LDHA: variants seen among roughly 807,000 people sequenced by gnomAD.
LDHA encodes the protein lactate dehydrogenase A, also known as L-lactate dehydrogenase A chain.
LDHA carries 10 observed loss-of-function variants against 36.3 expected under a neutral mutation model. That is an observed-to-expected ratio of 0.28 (90% CI 0.17 to 0.47). LDHA has a LOEUF of 0.47. Among genes scored for constraint, LDHA ranks in the 20% least tolerant of loss-of-function variants. The pLI is 0.99. For synonymous variants in LDHA, 110 were observed against 136.7 expected (o/e 0.80, Z 1.36); for missense variants, 267 against 405.8 (o/e 0.66, Z 2.94).
chr11:18,403,695 G>C lies in LDHA; in HGVS notation c.594G>C (p.Val198=), dbSNP rs373534867. The change falls in exon 6 of 8, where the codon GTG becomes GTC. Residue 198 remains valine (V), a splice_region_variant and synonymous_variant. Coordinates refer to ENST00000422447, the MANE Select transcript of LDHA (RefSeq NM_005566.4). Reference sequence around the variant, plus strand: ...TGTAGTCTGTACTATTTCTTTTAGTGCCTGTATGGAGTGGAATGAATGTTG... The same window carrying C: ...TGTAGTCTGTACTATTTCTTTTAGTCCCTGTATGGAGTGGAATGAATGTTG... The part of the protein sequence containing the change: ...WVLGEHGDSS[V]PVWSGMNVAG... The C allele has an allele frequency of 3.2e-5, 49 of 1,533,844 alleles. No homozygotes were observed. In the African/African-American group the frequency reaches 6.4e-4, roughly 20 times the overall value.
At chr11:18,400,050 G>T (rs1280012106) in intron 3 of LDHA, 1 of 191,984 alleles carries the variant, frequency 5.2e-6, no homozygotes. Context: ...AATCCAATTT[G>T]TCCATGCTAT....
chr11:18,401,122 TAA>T (rs1590214037), intron 4 of LDHA, 112 bp downstream of exon 4: 3 of 440,882 alleles, frequency 6.8e-6, no homozygotes, highest in South Asian at 1.2e-4. Flanking sequence ...AATACATTTT[TAA>T]AAATATTTTC....
At chr11:18,398,416 G>A (rs554474286) in intron 2 of LDHA, among the ~76,000 whole-genome samples, 35 of 151,302 alleles carry the variant, frequency 2.3e-4, no homozygotes, top group African/African-American at 6.8e-4. Flanking sequence ...TTTTTGAGAC[G>A]GAATCTCGCT....
rs766535492 is a variant in LDHA at position 18,400,782 on chromosome 11, T to G, written c.245-55T>G. 4.0e-5 allele frequency: 57 copies of G among 1,428,756 alleles called. 2 individuals carry two copies. In the South Asian group the frequency reaches 6.3e-4, roughly 16 times the overall value. The allele number at this position is 1,428,756 out of a possible 1,614,324, so 88.5% of individuals were successfully genotyped here. On this transcript the variant is annotated intron_variant, in intron 3 of 7. Transcript: ENST00000422447. ...ATTTATGGAACAAATTTTTGCTGCC[T>G]AGGTAAAATTTATTCTAAAGGCCTT...
At position 18,407,317 on chromosome 11, in the gene LDHA, T is replaced by C. The variant is rs1458525448; in HGVS notation, c.*36T>C. The C allele has an allele frequency of 3.1e-6, 5 of 1,612,236 alleles. No homozygotes were observed. In the Admixed American group the frequency reaches 6.7e-5, roughly 21 times the overall value. ...TGTCATATCATTTCACTGTCTAGGC[T>C]ACAACAGGATTCTAGGTGGAGGTTG... On this transcript the variant is annotated 3_prime_UTR_variant, in exon 8 of 8. Coordinates refer to ENST00000422447, the MANE Select transcript of LDHA (RefSeq NM_005566.4).
intron 2 of LDHA, chr11:18,398,647 C>T (rs1430673961): frequency 3.2e-5 from 4 of 125,096 alleles, no homozygotes; most frequent in Non-Finnish European, 4.9e-5. Flanking sequence ...GGAGTCTCGC[C>T]GTGTCGCCCA....
In LDHA at chr11:18,407,136, A is replaced by T. The variant is rs147520495; in HGVS notation, c.854A>T (p.Asp285Val). Residue 285 changes from aspartate to valine, a missense_variant, in exon 8 of 8, where the codon GAT becomes GTT. Coordinates refer to ENST00000422447, the MANE Select transcript of LDHA (RefSeq NM_005566.4). The stretch of plus-strand genomic sequence containing the variant: ...CTTCAGGGTCTTTACGGAATAAAGG[A>T]TGATGTCTTCCTTAGTGTTCCTTGC... ...TMIKGLYGIK[D>V]DVFLSVPCIL... 333 of 1,607,264 alleles carry T rather than the reference A, an allele frequency of 2.1e-4. No individual in the cohort carries two copies. Among genetic ancestry groups the T allele is most frequent in the Non-Finnish European group, 2.7e-4 (313 of 1,176,828 alleles).
chr11:18,402,902 A>G lies in LDHA; in HGVS notation c.481A>G (p.Ser161Gly), dbSNP rs1396237391. ...SGFPKNRVIG[S>G]GCNLDSARFR... is the part of the protein sequence containing the mutation. ...TTTTCCCAAAAACCGTGTTATTGGA[A>G]GCGGTTGCAATCTGGATTCAGCCCG... The change falls in exon 5 of 8, where the codon AGC becomes GGC. Residue 161 changes from serine to glycine, a missense_variant. Ser to Gly is a moderately conservative substitution (Grantham distance 56). Coordinates refer to ENST00000422447, the MANE Select transcript of LDHA (RefSeq NM_005566.4). 6.2e-7 allele frequency: 1 copy of G among 1,612,148 alleles called. No individual in the cohort carries two copies.
chr11:18,401,082 A>AC, intron 4 of LDHA, 72 bp downstream of exon 4: 3 of 535,922 alleles, frequency 5.6e-6, no homozygotes, highest in Non-Finnish European at 8.3e-6. Context: ...TATATTATAT[A>AC]TATTTTAAAT....
intron 2 of LDHA, 120 bp from the exon 3 acceptor site, chr11:18,399,311 G>T (rs1832001952): frequency 1.3e-6 from 1 of 748,448 alleles, no homozygotes; most frequent in Admixed American, 2.0e-5. Context: ...TGAATATCTC[G>T]ATACTGTACT....
intron 3 of LDHA, chr11:18,400,006 A>G (rs113731380): frequency 1.5e-3 from 283 of 192,186 alleles, no homozygotes; most frequent in Admixed American, 2.6e-3. Flanking sequence ...GTGAATATCA[A>G]AGTTTCAATT....
intron 5 of LDHA, 50 bp from the exon 6 acceptor site, chr11:18,403,644 C>T (rs1361649616): frequency 2.3e-5 from 26 of 1,124,116 alleles, no homozygotes; most frequent in Non-Finnish European, 3.3e-5. Flanking sequence ...ATCACAATTA[C>T]TAATCTGTTG....
chr11:18,396,935 T>C lies in LDHA; in HGVS notation c.93T>C (p.Val31=). The part of the protein sequence containing the change: ...NKITVVGVGA[V]GMACAISILM... Reference sequence around the variant, plus strand: ...TTACAGTTGTTGGGGTTGGTGCTGTTGGCATGGCCTGTGCCATCAGTATCT... The same window carrying C: ...TTACAGTTGTTGGGGTTGGTGCTGTCGGCATGGCCTGTGCCATCAGTATCT... Residue 31 remains valine (V), a synonymous_variant, in exon 2 of 8, where the codon GTT becomes GTC. Transcript: ENST00000422447. The C allele has an allele frequency of 6.2e-7, 1 of 1,614,184 alleles. No individual in the cohort carries two copies. Among genetic ancestry groups the C allele is most frequent in the Middle Eastern group, 1.6e-4 (1 of 6,062 alleles).
At position 18,399,540 on chromosome 11, in the gene LDHA, C is replaced by G; in HGVS notation, c.236C>G (p.Ser79Cys). The change falls in exon 3 of 8, where the codon TCT becomes TGT. Residue 79 changes from serine (S) to cysteine (C), a missense_variant. By Grantham distance (112) the Ser-to-Cys change is moderately radical. Coordinates refer to ENST00000422447, the MANE Select transcript of LDHA (RefSeq NM_005566.4). The stretch of plus-strand genomic sequence containing the variant: ...TTCCTTAGAACACCAAAGATTGTCT[C>G]TGGCAAAGGTTGATTTCAACAAGTT... ...SLFLRTPKIV[S>C]GKDYNVTANS... is the part of the protein sequence containing the mutation. The G allele has an allele frequency of 6.3e-7, 1 of 1,592,188 alleles. No individual in the cohort carries two copies. The highest frequency in any genetic ancestry group is 8.6e-7 in the Non-Finnish European group (1 of 1,160,064).
intron 2 of LDHA, among the ~76,000 whole-genome samples, chr11:18,398,336 A>G (rs939663748): frequency 2.0e-5 from 3 of 152,218 alleles, no homozygotes; most frequent in Non-Finnish European, 2.9e-5. Context: ...GGAATCAACC[A>G]GGGAATAGTT....
At position 18,396,889 on chromosome 11, in the gene LDHA, A is replaced by G. The variant is rs1264619847; in HGVS notation, c.47A>G (p.Glu16Gly). The part of the protein sequence containing the change: ...DQLIYNLLKE[E>G]QTPQNKITVV... ...CTGATTTATAATCTTCTAAAGGAAG[A>G]ACAGACCCCCCAGAATAAGATTACA... Residue 16 changes from glutamate (E) to glycine (G), a missense_variant, in exon 2 of 8, where the codon GAA (glutamate) becomes GGA (glycine). Physicochemically the swap from Glu to Gly is moderately conservative, Grantham distance 98. Transcript: ENST00000422447. 9 of 1,613,732 alleles carry G rather than the reference A, an allele frequency of 5.6e-6. No homozygotes were observed. Among genetic ancestry groups the G allele is most frequent in the Non-Finnish European group, 7.6e-6 (9 of 1,179,778 alleles).
intron 1 of LDHA, chr11:18,396,616 G>A: frequency 1.4e-6 from 2 of 1,405,396 alleles, no homozygotes; most frequent in Non-Finnish European, 1.8e-6. Flanking sequence ...CTAAGGTATG[G>A]GCCTTCACTC....
At position 18,403,773 on chromosome 11, in the gene LDHA, G is replaced by A. The variant is rs199918200; in HGVS notation, c.672G>A (p.Lys224=). ...LHPDLGTDKD[K]EQWKEVHKQV... is the part of the protein sequence containing the mutation. ...CAGATTTAGGGACTGATAAAGATAA[G>A]GAACAGTGGAAAGAGGTTCACAAGC... is the stretch of plus-strand genomic sequence containing the variant. The change falls in exon 6 of 8, where the codon AAG becomes AAA. Residue 224 remains lysine (K), a synonymous_variant. Coordinates refer to ENST00000422447, the MANE Select transcript of LDHA (RefSeq NM_005566.4). 6.0e-5 allele frequency: 97 copies of A among 1,608,646 alleles called. 1 individual carries two copies. In the Admixed American group the frequency reaches 1.6e-3, roughly 26 times the overall value.
intron 6 of LDHA, among the ~76,000 whole-genome samples, chr11:18,404,478 T>C (rs915584938): frequency 6.6e-6 from 1 of 152,138 alleles, no homozygotes; most frequent in Non-Finnish European, 1.5e-5. Context: ...TTATTTACCT[T>C]TGTGGTCCTG....
Sources: allele counts gnomAD v4.1 joint callset (sites outside exome capture counted in the v4.1 genomes callset), GRCh38; gene constraint gnomAD v4.1.1; transcripts MANE v1.5; gene names NCBI Gene and HGNC (gene_info 2026-07-23, HGNC 2026-07-21).